The following NAV2 variants were observed in gnomAD, a reference collection of about 807,000 sequenced individuals.
NAV2 encodes the protein helicase, APC down-regulated 1.
Under a neutral mutation model 223.2 loss-of-function variants are expected in NAV2, and 54 were observed. The ratio of observed to expected loss-of-function variants is 0.24; its 90% CI spans 0.19 to 0.30. NAV2 has a LOEUF of 0.30. Among genes scored for constraint, NAV2 ranks in the 10% least tolerant of loss-of-function variants. NAV2 has a pLI of 1.00. For missense variants in NAV2, 2,806 were observed against 3,147.5 expected (o/e 0.89, Z 2.60); for synonymous variants, 1,279 against 1,239.3 (o/e 1.03, Z -0.67).
intron 1 of NAV2, among the ~76,000 whole-genome samples, chr11:19,455,467 A>G (rs554996137): frequency 5.9e-5 from 9 of 152,344 alleles, no homozygotes; most frequent in African/African-American, 2.2e-4. Flanking sequence ...TATTTGCTAC[A>G]TATGAAATTG....
At chr11:19,472,598 G>A (rs1265473382) in intron 1 of NAV2, among the ~76,000 whole-genome samples, 1 of 152,100 alleles carries the variant, frequency 6.6e-6, no homozygotes, top group East Asian at 1.9e-4. Context: ...TTCCTCTTGT[G>A]TAGTCAGAGT....
intron 1 of NAV2, among the ~76,000 whole-genome samples, chr11:19,799,355 A>C (rs1186542020): frequency 1.3e-5 from 2 of 152,166 alleles, no homozygotes; most frequent in African/African-American, 4.8e-5. Context: ...TCACTGAGTT[A>C]GTTCTACAAT....
intron 1 of NAV2, among the ~76,000 whole-genome samples, chr11:19,552,886 AGT>A (rs1244646538): frequency 6.6e-5 from 4 of 60,364 alleles, no homozygotes; most frequent in African/African-American, 9.5e-5. Context: ...AGTGTGTGTG[AGT>A]GTGTGTGGGG....
intron 6 of NAV2, among the ~76,000 whole-genome samples, chr11:19,927,253 C>G (rs1448045186): frequency 6.6e-6 from 1 of 152,140 alleles, no homozygotes; most frequent in Non-Finnish European, 1.5e-5. Flanking sequence ...CTGAGGTGTT[C>G]CAACTGCAAG....
intron 1 of NAV2, among the ~76,000 whole-genome samples, chr11:19,789,309 G>T (rs2057359987): frequency 6.6e-6 from 1 of 152,174 alleles, no homozygotes; most frequent in Non-Finnish European, 1.5e-5. Flanking sequence ...AATAGTTTGT[G>T]AATGCTAAAT....
chr11:19,945,593 C>T (rs532363980), intron 8 of NAV2, among the ~76,000 whole-genome samples: 1 of 152,322 alleles, frequency 6.6e-6, no homozygotes, highest in African/African-American at 2.4e-5. Context: ...GATCTGCCCA[C>T]TTTGGCTTCC....
At chr11:20,001,176 TGCCCTC>T (rs2052508881) in intron 11 of NAV2, among the ~76,000 whole-genome samples, 2 of 152,152 alleles carry the variant, frequency 1.3e-5, no homozygotes, top group Admixed American at 1.3e-4. Flanking sequence ...CCCCCTGGGA[TGCCCTC>T]TCCTGACCCT....
intron 1 of NAV2, among the ~76,000 whole-genome samples, chr11:19,430,356 G>A (rs560575894): frequency 3.3e-5 from 5 of 152,282 alleles, no homozygotes; most frequent in African/African-American, 7.2e-5. Context: ...AAGCTGACCC[G>A]TTTGGTGTCT....
At chr11:19,920,465 T>G (rs1374080002) in intron 6 of NAV2, among the ~76,000 whole-genome samples, 1 of 152,034 alleles carries the variant, frequency 6.6e-6, no homozygotes, top group Non-Finnish European at 1.5e-5. Context: ...TTTTTTGTAT[T>G]TTTAGTCAGG....
chr11:19,700,255 A>C (rs555105949), intron 1 of NAV2, among the ~76,000 whole-genome samples: 1 of 152,364 alleles, frequency 6.6e-6, no homozygotes, highest in East Asian at 1.9e-4. Flanking sequence ...TTTACAGATG[A>C]GAAACCTGAG....
At chr11:19,828,743 T>C (rs566616752) in intron 1 of NAV2, among the ~76,000 whole-genome samples, 4 of 152,100 alleles carry the variant, frequency 2.6e-5, no homozygotes, top group Non-Finnish European at 5.9e-5. Context: ...TTTAATTCAG[T>C]GGGAAGTGGG....
chr11:19,536,003 T>C (rs1002912819), intron 1 of NAV2, among the ~76,000 whole-genome samples: 2 of 152,148 alleles, frequency 1.3e-5, no homozygotes, highest in African/African-American at 2.4e-5. Flanking sequence ...GGTCAGCTCA[T>C]AGGCTTCAAC....
chr11:19,573,969 T>C (rs1262520803), intron 1 of NAV2, among the ~76,000 whole-genome samples: 1 of 152,200 alleles, frequency 6.6e-6, no homozygotes, highest in African/African-American at 2.4e-5. Flanking sequence ...GAAGTCTGCC[T>C]AGAACCATGG....
At chr11:20,009,218 G>A (rs1302105832) in intron 11 of NAV2, among the ~76,000 whole-genome samples, 4 of 152,130 alleles carry the variant, frequency 2.6e-5, no homozygotes, top group African/African-American at 9.7e-5. Context: ...CTCAAGCAAG[G>A]TACTTTTCCC....
At chr11:20,016,322 A>C (rs2053999968) in intron 11 of NAV2, among the ~76,000 whole-genome samples, 1 of 152,192 alleles carries the variant, frequency 6.6e-6, no homozygotes. Context: ...GCTGTCTTTA[A>C]GGTTTTGTTA....
chr11:19,568,840 A>G (rs780073144), intron 1 of NAV2, among the ~76,000 whole-genome samples: 12 of 152,202 alleles, frequency 7.9e-5, no homozygotes, highest in Admixed American at 3.9e-4. Context: ...TTCTAATCTA[A>G]GTGGATCTGA....
intron 10 of NAV2, among the ~76,000 whole-genome samples, chr11:19,955,093 G>A (rs1328320191): frequency 6.6e-6 from 1 of 152,040 alleles, no homozygotes; most frequent in Non-Finnish European, 1.5e-5. Context: ...GTGCCTGCCT[G>A]TTGCATAGTA....
At chr11:19,627,379 ACT>A (rs1213903909) in intron 1 of NAV2, among the ~76,000 whole-genome samples, 2 of 151,956 alleles carry the variant, frequency 1.3e-5, no homozygotes, top group African/African-American at 4.8e-5. Context: ...ACAGAGCGAG[ACT>A]CTGTCTCAAA....
At chr11:19,939,905 T>G in intron 8 of NAV2, 132 bp downstream of exon 8, 2 of 414,926 alleles carry the variant, frequency 4.8e-6, no homozygotes, top group Non-Finnish European at 7.9e-6. Flanking sequence ...TAAACAAACT[T>G]TCTTTCTTTT....
Sources: allele counts gnomAD v4.1 joint callset (sites outside exome capture counted in the v4.1 genomes callset), GRCh38; gene constraint gnomAD v4.1.1; transcripts MANE v1.5; gene names NCBI Gene and HGNC (gene_info 2026-07-23, HGNC 2026-07-21).